Variants in PTGER2 observed in about 807,000 individuals in gnomAD.
The protein encoded by PTGER2 is prostaglandin E receptor 2, also known as prostaglandin E2 receptor EP2 subtype.
PTGER2 carries 22 observed loss-of-function variants against 26.2 expected under a neutral mutation model. That is an observed-to-expected ratio of 0.84 (90% CI 0.60 to 1.20). The LOEUF is 1.20. Ranked by LOEUF, PTGER2 falls within the 50% of genes most tolerant of loss-of-function variation. PTGER2 has a pLI of 0.00. For synonymous variants in PTGER2, 219 were observed against 208.9 expected (o/e 1.05, Z -0.42); for missense variants, 458 against 475.2 (o/e 0.96, Z 0.34).
intron 1 of PTGER2, among the ~76,000 whole-genome samples, chr14:52,318,120 C>T (rs2033859487): frequency 6.6e-6 from 1 of 152,198 alleles, no homozygotes; most frequent in African/African-American, 2.4e-5. Flanking sequence ...TTGCTTTTTC[C>T]TCCAAGTCCT....
chr14:52,317,846 T>C (rs1295919621), intron 1 of PTGER2, among the ~76,000 whole-genome samples: 1 of 152,214 alleles, frequency 6.6e-6, no homozygotes, highest in Non-Finnish European at 1.5e-5. Context: ...AGATGAACTA[T>C]ACACAAAATG....
chr14:52,322,204 GC>G (rs1218643925), intron 1 of PTGER2, among the ~76,000 whole-genome samples: 17 of 152,180 alleles, frequency 1.1e-4, no homozygotes, highest in South Asian at 2.1e-4. Context: ...ATACAGCTGG[GC>G]CGCTGGGGGT....
rs1227243409 is a variant in PTGER2, at chr14:52,328,495, A to G, written c.*1041A>G. The G allele has an allele frequency of 1.3e-5, 2 of 152,316 alleles. No homozygotes were observed. The highest frequency in any genetic ancestry group is 2.9e-5 in the Non-Finnish European group (2 of 68,024). The allele number at this position is 152,316 out of a possible 1,614,324, so 9.4% of individuals were successfully genotyped here. A position where few individuals can be genotyped will look rare whatever the true frequency, so the allele number is the denominator to read the frequency against. ...ATATTTCTAAATGTTTGGCATGTAA[A>G]TGTAAACTCAGCATCAAAATATTTC... On this transcript the variant is annotated 3_prime_UTR_variant, in exon 2 of 2. Coordinates refer to ENST00000245457, the MANE Select transcript of PTGER2 (RefSeq NM_000956.4).
intron 1 of PTGER2, among the ~76,000 whole-genome samples, chr14:52,315,659 G>C (rs1360321782): frequency 6.6e-6 from 1 of 151,860 alleles, no homozygotes; most frequent in Non-Finnish European, 1.5e-5. Flanking sequence ...AGCTAAGCTA[G>C]CCAATCTCCT....
chr14:52,327,488 A>G lies in PTGER2; in HGVS notation c.*34A>G. On this transcript the variant is annotated 3_prime_UTR_variant, in exon 2 of 2. Transcript: ENST00000245457. ...GTTTAAAAGTTCTTAGTTATATAGCATCTGGAAGATCATTTTGAAATTGTT... is the reference window on the plus strand; with the variant it reads ...GTTTAAAAGTTCTTAGTTATATAGCGTCTGGAAGATCATTTTGAAATTGTT... The G allele has an allele frequency of 1.4e-6, 2 of 1,449,078 alleles. No homozygotes were observed. The highest frequency in any genetic ancestry group is 1.4e-5 in the African/African-American group (1 of 70,272). 89.8% of individuals were successfully genotyped at this position (1,449,078 alleles called of 1,614,324 possible).
At position 52,327,235 on chromosome 14, in the gene PTGER2, G is replaced by C; in HGVS notation, c.858G>C (p.Met286Ile). The part of the protein sequence containing the change: ...CSLPFTIFAY[M>I]NETSSRKEKW... ...GCTTCTTACAGATTTTTGCATATAT[G>C]AATGAAACCTCTTCCCGAAAGGAAA... The change falls in exon 2 of 2, where the codon ATG (methionine) becomes ATC (isoleucine). Residue 286 changes from methionine (M) to isoleucine (I), a missense_variant. Met to Ile is a conservative substitution (Grantham distance 10). Coordinates refer to ENST00000245457, the MANE Select transcript of PTGER2 (RefSeq NM_000956.4). 1 of 1,602,746 alleles carries C rather than the reference G, an allele frequency of 6.2e-7. No individual in the cohort carries two copies. The highest frequency in any genetic ancestry group is 1.1e-5 in the South Asian group (1 of 90,612).
chr14:52,324,107 T>C (rs2033924956), intron 1 of PTGER2, among the ~76,000 whole-genome samples: 1 of 152,212 alleles, frequency 6.6e-6, no homozygotes, highest in Admixed American at 6.5e-5. Flanking sequence ...GAGATGGTAG[T>C]GATGGTTGCT....
chr14:52,316,096 C>T (rs1234887886), intron 1 of PTGER2, among the ~76,000 whole-genome samples: 1 of 152,190 alleles, frequency 6.6e-6, no homozygotes, highest in African/African-American at 2.4e-5. Context: ...TCTTGCTAAG[C>T]ATTTGTAATA....
In PTGER2 at chr14:52,314,863, G is replaced by A. The variant is rs2033817983; in HGVS notation, c.315G>A (p.Glu105=). ...AGACCCTGGTGGCACTGGCGCCCGA[G>A]AGCCGCGCGTGCACCTACTTCGCTT... ...RNQTLVALAP[E]SRACTYFAFA... is the part of the protein sequence containing the mutation. The change falls in exon 1 of 2, where the codon GAG becomes GAA. Residue 105 remains glutamate, a synonymous_variant. Coordinates refer to ENST00000245457, the MANE Select transcript of PTGER2 (RefSeq NM_000956.4). This position sits in a 1 kb window ranked among gnomAD's most constrained non-coding sequence, Gnocchi z 5.7. The A allele has an allele frequency of 6.2e-7, 1 of 1,612,996 alleles. No homozygotes were observed. Among genetic ancestry groups the A allele is most frequent in the Non-Finnish European group, 8.5e-7 (1 of 1,180,000 alleles).
chr14:52,318,529 C>A (rs990545349), intron 1 of PTGER2, among the ~76,000 whole-genome samples: 1 of 152,170 alleles, frequency 6.6e-6, no homozygotes, highest in South Asian at 2.1e-4. Flanking sequence ...TAGTAGCAAT[C>A]TACTCTATCT....
Position 52,327,272 on chromosome 14 carries a change from C to T in PTGER2, c.895C>T (p.Gln299Ter), listed in dbSNP as rs1436739917. 1.2e-6 allele frequency: 2 copies of T among 1,613,574 alleles called. No homozygotes were observed. Among genetic ancestry groups the T allele is most frequent in the Non-Finnish European group, 1.7e-6 (2 of 1,179,724 alleles). The change falls in exon 2 of 2, where the codon CAA becomes TAA. Residue 299 changes from glutamine to a stop codon, truncating the protein, a stop_gained. Coordinates refer to ENST00000245457, the MANE Select transcript of PTGER2 (RefSeq NM_000956.4). LOFTEE classifies it high-confidence loss of function. ...TSSRKEKWDL[Q>*]ALRFLSINSI... ...TTCCCGAAAGGAAAAATGGGACCTCCAAGCTCTTAGGTTTTTATCAATTAA... is the reference window on the plus strand; with the variant it reads ...TTCCCGAAAGGAAAAATGGGACCTCTAAGCTCTTAGGTTTTTATCAATTAA...
At position 52,314,545 on chromosome 14, in the gene PTGER2, C is replaced by T; in HGVS notation, c.-4C>T. 3 of 1,482,936 alleles carry T rather than the reference C, an allele frequency of 2.0e-6. No homozygotes were observed. Among genetic ancestry groups the T allele is most frequent in the Non-Finnish European group, 2.7e-6 (3 of 1,117,760 alleles). 91.9% of individuals were successfully genotyped at this position (1,482,936 alleles called of 1,614,324 possible). A position where few individuals can be genotyped will look rare whatever the true frequency, so the allele number is the denominator to read the frequency against. On this transcript the variant is annotated 5_prime_UTR_variant, in exon 1 of 2. Transcript: ENST00000245457. This position sits in a 1 kb window ranked among gnomAD's most constrained non-coding sequence, Gnocchi z 5.7. ...GGGCGCATCTCTTTTCCAGGCACCCCACCATGGGCAATGCCTCCAATGACT... is the reference window on the plus strand; with the variant it reads ...GGGCGCATCTCTTTTCCAGGCACCCTACCATGGGCAATGCCTCCAATGACT...
chr14:52,318,873 G>A (rs10136396), intron 1 of PTGER2, among the ~76,000 whole-genome samples: 11,167 of 152,026 alleles, frequency 0.073, 576 homozygotes, highest in East Asian at 0.16. Flanking sequence ...CATTATTATC[G>A]ACCACAAAAT....
At position 52,316,996 on chromosome 14, in the gene PTGER2, G is replaced by C. The variant is rs368782857; in HGVS notation, c.843+1605G>C. On this transcript the variant is annotated intron_variant, in intron 1 of 1. Coordinates refer to ENST00000245457, the MANE Select transcript of PTGER2 (RefSeq NM_000956.4). ...ATTTATTTTACTGGTAGGAGCTTTT[G>C]ATTATGTTAGGAGCTAAATCAGCTT... 1.5e-4 allele frequency among the ~76,000 whole-genome samples: 23 copies of C among 152,286 alleles called. 1 individual carries two copies. In the East Asian group the frequency reaches 3.7e-3, roughly 24 times the overall value.
intron 1 of PTGER2, among the ~76,000 whole-genome samples, chr14:52,321,277 A>C (rs1445046212): frequency 1.3e-5 from 2 of 152,130 alleles, no homozygotes; most frequent in South Asian, 2.1e-4. Context: ...TTTTTAAAGA[A>C]TGAATTAGGC....
intron 1 of PTGER2, among the ~76,000 whole-genome samples, chr14:52,318,112 GCTTTTTC>G (rs1393888239): frequency 6.6e-6 from 1 of 152,206 alleles, no homozygotes; most frequent in Non-Finnish European, 1.5e-5. Flanking sequence ...AGGGGAGGTT[GCTTTTTC>G]CTCCAAGTCC....
At chr14:52,317,887 GA>G (rs1418973574) in intron 1 of PTGER2, among the ~76,000 whole-genome samples, 2 of 152,176 alleles carry the variant, frequency 1.3e-5, no homozygotes, top group East Asian at 3.8e-4. Flanking sequence ...CTCTTAGTAA[GA>G]AAATTTATAT....
At chr14:52,316,555 G>A (rs981004819) in intron 1 of PTGER2, among the ~76,000 whole-genome samples, 15 of 152,192 alleles carry the variant, frequency 9.9e-5, no homozygotes, top group Admixed American at 2.0e-4. Context: ...GATGGGCAGT[G>A]CCTACTATTA....
rs2033961129 is a variant in PTGER2, at chr14:52,327,313, T to C, written c.936T>C (p.Pro312=). The change falls in exon 2 of 2, where the codon CCT becomes CCC. Residue 312 remains proline (P), a synonymous_variant. Transcript: ENST00000245457. ...RFLSINSIID[P]WVFAILRPPV... is the part of the protein sequence containing the mutation. ...TATCAATTAATTCAATAATTGACCC[T>C]TGGGTCTTTGCCATCCTTAGGCCTC... 8 of 1,613,344 alleles carry C rather than the reference T, an allele frequency of 5.0e-6. No homozygotes were observed. The highest frequency in any genetic ancestry group is 2.7e-5 in the African/African-American group (2 of 75,028).
Sources: allele counts gnomAD v4.1 joint callset (sites outside exome capture counted in the v4.1 genomes callset), GRCh38; gene constraint gnomAD v4.1.1; non-coding constraint Gnocchi (gnomAD v3.1); transcripts MANE v1.5; gene names NCBI Gene and HGNC (gene_info 2026-07-23, HGNC 2026-07-21).